Variants in PPP1R1A observed in about 807,000 individuals in gnomAD.
The protein encoded by PPP1R1A is protein phosphatase 1 regulatory inhibitor subunit 1A.
A neutral mutation model predicts 23.9 loss-of-function variants in PPP1R1A; 18 were observed. The ratio of observed to expected loss-of-function variants is 0.75; its 90% CI spans 0.52 to 1.12. The LOEUF (loss-of-function observed/expected upper bound fraction) is 1.12, where lower values mean the gene tolerates loss of function less well. Ranked by LOEUF, PPP1R1A falls within the 50% of genes most tolerant of loss-of-function variation. PPP1R1A has a pLI of 0.00. For synonymous variants in PPP1R1A, 84 were observed against 80.7 expected, an observed-to-expected ratio of 1.04 and a Z score of -0.22; for missense variants, 207 against 223.8, an observed-to-expected ratio of 0.92 and a Z score of 0.48.
At chr12:54,586,233 C>A (rs1450371141) in intron 1 of PPP1R1A, among the ~76,000 whole-genome samples, 1 of 152,168 alleles carries the variant, frequency 6.6e-6, no homozygotes, top group Non-Finnish European at 1.5e-5. Flanking sequence ...CTTCCTTGAC[C>A]TATTCCTTTG....
chr12:54,579,980 GTCGGATCGTTCC>G lies in PPP1R1A; in HGVS notation c.*395_*406del, dbSNP rs1353431850. On this transcript the variant is annotated 3_prime_UTR_variant, in exon 7 of 7. Transcript: ENST00000257905. ...AGCTGCAGGGCAGGCCTGTGAGGTG[GTCGGATCGTTCC>G]TCAATAAGAAAAGAGAACCTGGGGC... 1.0e-6 allele frequency: 1 copy of G among 1,004,690 alleles called. No homozygotes were observed. Among genetic ancestry groups the G allele is most frequent in the East Asian group, 1.0e-4 (1 of 9,972 alleles). 62.2% of individuals were successfully genotyped at this position (1,004,690 alleles called of 1,614,324 possible).
At position 54,580,297 on chromosome 12, in the gene PPP1R1A, AT is replaced by A. The variant is rs1300531080; in HGVS notation, c.*89del. 1 of 1,582,734 alleles carries A rather than the reference AT, an allele frequency of 6.3e-7. No homozygotes were observed. The highest frequency in any genetic ancestry group is 2.3e-5 in the East Asian group (1 of 44,342). Reference sequence around the variant, plus strand: ...ATTTATCACTTTTTAAAAACAAGAGATTTTCCCCAAAAGTGAAGGAATAAGA... The same window carrying A: ...ATTTATCACTTTTTAAAAACAAGAGATTTCCCCAAAAGTGAAGGAATAAGA... On this transcript the variant is annotated 3_prime_UTR_variant, in exon 7 of 7. Coordinates refer to ENST00000257905, the MANE Select transcript of PPP1R1A (RefSeq NM_006741.4).
chr12:54,580,332 C>T lies in PPP1R1A; in HGVS notation c.*55G>A, dbSNP rs747690288. ...AAAGTGAAGGAATAAGAAACAAATC[C>T]GGTGTCCATGCATTCCCAAACTGCA... On this transcript the variant is annotated 3_prime_UTR_variant, in exon 7 of 7. Coordinates refer to ENST00000257905, the MANE Select transcript of PPP1R1A (RefSeq NM_006741.4). 77 of 1,609,542 alleles carry T rather than the reference C, an allele frequency of 4.8e-5. No homozygotes were observed. Among genetic ancestry groups the T allele is most frequent in the East Asian group, 3.1e-4 (14 of 44,842 alleles).
At chr12:54,587,837 T>G (rs963402296) in intron 1 of PPP1R1A, among the ~76,000 whole-genome samples, 1 of 152,034 alleles carries the variant, frequency 6.6e-6, no homozygotes, top group Admixed American at 6.6e-5. Flanking sequence ...CCCCTCTCCC[T>G]GGAGCCCCAG....
At chr12:54,584,677 A>G (rs1957891590) in intron 1 of PPP1R1A, among the ~76,000 whole-genome samples, 1 of 152,042 alleles carries the variant, frequency 6.6e-6, no homozygotes, top group African/African-American at 2.4e-5. Flanking sequence ...CTTCAGCACC[A>G]TGTAATAAAC....
At position 54,579,337 on chromosome 12, in the gene PPP1R1A, C is replaced by CATATATATATATAT. The variant is rs3036606; in HGVS notation, c.*1036_*1049dup. ...AAAATCTGGGTGAGGCGTTCTCCCT[C>CATATATATATATAT]ATATATATATATATATATATTTAGG... On this transcript the variant is annotated 3_prime_UTR_variant, in exon 7 of 7. Transcript: ENST00000257905. 3 of 667,944 alleles carry CATATATATATATAT rather than the reference C, an allele frequency of 4.5e-6. No individual in the cohort carries two copies. The African/African-American group carries it at 5.8e-5, about 13-fold the overall frequency. The allele number at this position is 667,944 out of a possible 1,614,324, so 41.4% of individuals were successfully genotyped here.
Position 54,579,974 on chromosome 12 carries a change from G to T in PPP1R1A, c.*413C>A. 1.0e-6 allele frequency: 1 copy of T among 1,003,388 alleles called. No homozygotes were observed. Among genetic ancestry groups the T allele is most frequent in the Non-Finnish European group, 1.2e-6 (1 of 840,594 alleles). 62.2% of individuals were successfully genotyped at this position (1,003,388 alleles called of 1,614,324 possible). On this transcript the variant is annotated 3_prime_UTR_variant, in exon 7 of 7. Coordinates refer to ENST00000257905, the MANE Select transcript of PPP1R1A (RefSeq NM_006741.4). ...TCTTCCAGCTGCAGGGCAGGCCTGT[G>T]AGGTGGTCGGATCGTTCCTCAATAA...
intron 1 of PPP1R1A, 149 bp downstream of exon 1, chr12:54,588,256 A>AG: frequency 5.5e-6 from 1 of 180,666 alleles, no homozygotes; most frequent in Non-Finnish European, 1.1e-5. Context: ...GGGACAGAAG[A>AG]CCCCCCCCCG....
intron 1 of PPP1R1A, among the ~76,000 whole-genome samples, chr12:54,587,392 G>T (rs893529008): frequency 6.6e-6 from 1 of 152,194 alleles, no homozygotes; most frequent in Non-Finnish European, 1.5e-5. Flanking sequence ...GAATGTCTAG[G>T]CAAATGGACA....
At chr12:54,586,163 CAAGA>C (rs924840312) in intron 1 of PPP1R1A, among the ~76,000 whole-genome samples, 9 of 152,060 alleles carry the variant, frequency 5.9e-5, no homozygotes, top group Admixed American at 5.2e-4. Context: ...GTGGGGAGCC[CAAGA>C]AAGAGACTGC....
Position 54,582,058 on chromosome 12 carries a change from G to A in PPP1R1A, c.321C>T (p.Ser107=). ...QGEEPEGAAE[S]TGTQESRPPG... ...GTGGGCGGGACTCCTGGGTTCCTGT[G>A]CTCTCAGCGGCCCCCTCAGGTTCCT... The change falls in exon 5 of 7, where the codon AGC becomes AGT. Residue 107 remains serine, a synonymous_variant. Transcript: ENST00000257905. 4 of 1,613,842 alleles carry A rather than the reference G, an allele frequency of 2.5e-6. No homozygotes were observed. Among genetic ancestry groups the A allele is most frequent in the Non-Finnish European group, 3.4e-6 (4 of 1,179,842 alleles).
chr12:54,584,427 CT>C, intron 1 of PPP1R1A, 107 bp from the exon 2 acceptor site: 2 of 1,078,110 alleles, frequency 1.9e-6, no homozygotes, highest in Non-Finnish European at 2.6e-6. Context: ...CTTAACACAC[CT>C]CAAAAAATGC....
Position 54,580,334 on chromosome 12 carries a change from GT to G in PPP1R1A, c.*52del. ...AGTGAAGGAATAAGAAACAAATCCG[GT>G]GTCCATGCATTCCCAAACTGCAGTC... is the stretch of plus-strand genomic sequence containing the variant. On this transcript the variant is annotated 3_prime_UTR_variant, in exon 7 of 7. Transcript: ENST00000257905. 6.2e-7 allele frequency: 1 copy of G among 1,610,776 alleles called. No individual in the cohort carries two copies. Among genetic ancestry groups the G allele is most frequent in the Non-Finnish European group, 8.5e-7 (1 of 1,178,628 alleles).
Position 54,579,831 on chromosome 12 carries a change from C to T in PPP1R1A, c.*556G>A. 2.0e-6 allele frequency: 2 copies of T among 985,608 alleles called. No homozygotes were observed. Among genetic ancestry groups the T allele is most frequent in the Non-Finnish European group, 2.4e-6 (2 of 830,120 alleles). The allele number at this position is 985,608 out of a possible 1,614,324, so 61.1% of individuals were successfully genotyped here. Reference sequence around the variant, plus strand: ...GAGGGCAGGCGAGGAGGTATCGGCACACCACCATACCCTCTTTCCCATGGG... The same window carrying T: ...GAGGGCAGGCGAGGAGGTATCGGCATACCACCATACCCTCTTTCCCATGGG... On this transcript the variant is annotated 3_prime_UTR_variant, in exon 7 of 7. Coordinates refer to ENST00000257905, the MANE Select transcript of PPP1R1A (RefSeq NM_006741.4).
intron 1 of PPP1R1A, among the ~76,000 whole-genome samples, chr12:54,585,973 G>A (rs1957906148): frequency 6.6e-6 from 1 of 152,128 alleles, no homozygotes; most frequent in Non-Finnish European, 1.5e-5. Flanking sequence ...AGTCGTCTCT[G>A]GTCATTCCTG....
rs1488206649 is a variant in PPP1R1A, at chr12:54,588,456, C to G, written c.33G>C (p.Gln11His). The change falls in exon 1 of 7, where the codon CAG (glutamine) becomes CAC (histidine). Residue 11 changes from glutamine to histidine, a missense_variant. Gln to His is a conservative substitution (Grantham distance 24). Transcript: ENST00000257905. ...GCGGCTCCAGCAGCGGGACCGTGAA[C>G]TGGATCTTTCGGGGGCTGTTGTCTT... MEQDNSPRKI[Q>H]FTVPLLEPHL... The G allele has an allele frequency of 6.7e-7, 1 of 1,482,132 alleles. No homozygotes were observed. Among genetic ancestry groups the G allele is most frequent in the Non-Finnish European group, 9.0e-7 (1 of 1,110,426 alleles). 91.8% of individuals were successfully genotyped at this position (1,482,132 alleles called of 1,614,324 possible).
chr12:54,580,246 G>C lies in PPP1R1A; in HGVS notation c.*141C>G, dbSNP rs1417563113. The C allele has an allele frequency of 1.1e-5, 16 of 1,467,194 alleles. No individual in the cohort carries two copies. The East Asian group carries it at 4.0e-4, about 37-fold the overall frequency. 90.9% of individuals were successfully genotyped at this position (1,467,194 alleles called of 1,614,324 possible). Reference sequence around the variant, plus strand: ...AAGGATTCTCCCAGTTGGAAAAGAAGGAAAGTGCCAAGGACCTAACACCAA... The same window carrying C: ...AAGGATTCTCCCAGTTGGAAAAGAACGAAAGTGCCAAGGACCTAACACCAA... On this transcript the variant is annotated 3_prime_UTR_variant, in exon 7 of 7. Coordinates refer to ENST00000257905, the MANE Select transcript of PPP1R1A (RefSeq NM_006741.4).
intron 3 of PPP1R1A, 136 bp downstream of exon 3, chr12:54,583,075 G>T: frequency 1.1e-6 from 1 of 896,042 alleles, no homozygotes; most frequent in Non-Finnish European, 1.7e-6. Context: ...GTTCACTCAT[G>T]CACATTTGGG....
Position 54,580,282 on chromosome 12 carries a change from T to G in PPP1R1A, c.*105A>C. The G allele has an allele frequency of 3.9e-6, 6 of 1,556,176 alleles. No homozygotes were observed. Among genetic ancestry groups the G allele is most frequent in the Non-Finnish European group, 5.2e-6 (6 of 1,150,528 alleles). On this transcript the variant is annotated 3_prime_UTR_variant, in exon 7 of 7. Coordinates refer to ENST00000257905, the MANE Select transcript of PPP1R1A (RefSeq NM_006741.4). ...AGGACCTAACACCAAATTTATCACTTTTTAAAAACAAGAGATTTTCCCCAA... is the reference window on the plus strand; with the variant it reads ...AGGACCTAACACCAAATTTATCACTGTTTAAAAACAAGAGATTTTCCCCAA...
Sources: gnomAD v4.1 joint callset for allele counts (sites outside exome capture counted in the v4.1 genomes callset) on GRCh38, gnomAD v4.1.1 for gene constraint, MANE v1.5 for transcripts, NCBI Gene and HGNC (gene_info 2026-07-23, HGNC 2026-07-21) for gene names.